OSBPL10: variants seen among roughly 807,000 people sequenced by gnomAD.
OSBPL10 encodes oxysterol binding protein like 10.
Under a neutral mutation model 81.7 loss-of-function variants are expected in OSBPL10, and 49 were observed. The observed-to-expected ratio is 0.60, with a 90% CI of 0.48 to 0.76. The LOEUF is 0.76. OSBPL10 is among the 30% of genes least tolerant of loss of function. OSBPL10 has a pLI of 0.00. For synonymous variants in OSBPL10, 419 were observed against 383.6 expected, an observed-to-expected ratio of 1.09 and a Z score of -1.08; for missense variants, 923 against 987.8, an observed-to-expected ratio of 0.93 and a Z score of 0.88.
At chr3:31,860,489 G>A (rs963932017) in intron 3 of OSBPL10, among the ~76,000 whole-genome samples, 10 of 152,180 alleles carry the variant, frequency 6.6e-5, no homozygotes, top group African/African-American at 2.4e-4. Context: ...GCAATAAAGA[G>A]ACAAGGAAGT....
intron 3 of OSBPL10, among the ~76,000 whole-genome samples, chr3:31,830,443 A>G (rs111992103): frequency 3.9e-5 from 6 of 151,954 alleles, no homozygotes; most frequent in African/African-American, 1.5e-4. Context: ...TTCATCTCCA[A>G]TTGTGCTTCC....
chr3:31,783,146 T>TATATATATACACACACAC (rs1485968747), intron 4 of OSBPL10, among the ~76,000 whole-genome samples: 1 of 113,036 alleles, frequency 8.8e-6, no homozygotes, highest in African/African-American at 3.8e-5. Context: ...TATATATATA[T>TATATATATACACACACAC]ACACACACAC....
In OSBPL10 at chr3:31,733,237, T is replaced by C; in HGVS notation, c.1095+20A>G. The stretch of plus-strand genomic sequence containing the variant: ...GCGATAACACAAGCCATGAATGCAC[T>C]GAGAGGACTGCACGCTTACCTCTGG... On this transcript the variant is annotated intron_variant, in intron 6 of 11. Coordinates refer to ENST00000396556, the MANE Select transcript of OSBPL10 (RefSeq NM_017784.5). 1 of 1,609,368 alleles carries C rather than the reference T, an allele frequency of 6.2e-7. No homozygotes were observed. The highest frequency in any genetic ancestry group is 8.5e-7 in the Non-Finnish European group (1 of 1,178,886).
intron 1 of OSBPL10, among the ~76,000 whole-genome samples, chr3:32,058,853 A>G (rs1699733735): frequency 6.6e-6 from 1 of 152,064 alleles, no homozygotes; most frequent in African/African-American, 2.4e-5. Flanking sequence ...ATGCCAAACT[A>G]ATTATTTATT....
At chr3:32,001,964 T>C (rs989682641) in intron 2 of OSBPL10, among the ~76,000 whole-genome samples, 42 of 152,206 alleles carry the variant, frequency 2.8e-4, no homozygotes, top group Non-Finnish European at 1.5e-5. Flanking sequence ...CATTTTGAGA[T>C]GAGGACACTG....
Position 31,981,232 on chromosome 3 carries a change from G to A in OSBPL10, c.-53C>T. On this transcript the variant is annotated 5_prime_UTR_variant, in exon 1 of 12. Transcript: ENST00000396556. The surrounding 1 kb of genome is among the most constrained non-coding windows in gnomAD (Gnocchi z 4.5). ...CCCGCCGCGGTGGCGGCCCCGGCAC[G>A]GCGGCTGCTGCTGCTGCTACAGCTC... 2.2e-6 allele frequency: 3 copies of A among 1,339,038 alleles called. No homozygotes were observed. Among genetic ancestry groups the A allele is most frequent in the Non-Finnish European group, 2.8e-6 (3 of 1,053,728 alleles). The allele number at this position is 1,339,038 out of a possible 1,614,324, so 82.9% of individuals were successfully genotyped here.
At chr3:31,698,482 CAAGT>C (rs58314721) in intron 7 of OSBPL10, among the ~76,000 whole-genome samples, 34,361 of 151,728 alleles carry the variant, frequency 0.23, 4,670 homozygotes, top group East Asian at 0.56. Context: ...AACAAAAATA[CAAGT>C]AAGGCCACAT....
At chr3:31,796,377 C>A (rs1369173012) in intron 4 of OSBPL10, among the ~76,000 whole-genome samples, 2 of 151,956 alleles carry the variant, frequency 1.3e-5, no homozygotes, top group African/African-American at 4.8e-5. Flanking sequence ...CCCGCCCCCC[C>A]AAAAAAGGTA....
chr3:31,719,451 TAATA>T (rs952837885), intron 6 of OSBPL10, among the ~76,000 whole-genome samples: 12 of 152,268 alleles, frequency 7.9e-5, no homozygotes, highest in Admixed American at 2.6e-4. Context: ...TACAAACGGC[TAATA>T]AATATGTGAA....
At chr3:31,833,824 T>G (rs1341772606) in intron 3 of OSBPL10, among the ~76,000 whole-genome samples, 1 of 152,144 alleles carries the variant, frequency 6.6e-6, no homozygotes, top group Non-Finnish European at 1.5e-5. Flanking sequence ...CACCTTTGCC[T>G]GTAGCAGTAT....
intron 4 of OSBPL10, among the ~76,000 whole-genome samples, chr3:31,814,433 G>A (rs1026635212): frequency 6.6e-6 from 1 of 152,180 alleles, no homozygotes; most frequent in Admixed American, 6.5e-5. Flanking sequence ...GATGTAATTA[G>A]TTAAGATTTG....
intron 2 of OSBPL10, among the ~76,000 whole-genome samples, chr3:32,012,278 G>A (rs976773795): frequency 6.6e-6 from 1 of 152,114 alleles, no homozygotes; most frequent in Admixed American, 6.5e-5. Context: ...AGAGAGTGGG[G>A]GCCAATATTC....
intron 3 of OSBPL10, among the ~76,000 whole-genome samples, chr3:31,850,068 G>A (rs1321057877): frequency 3.3e-5 from 5 of 152,196 alleles, no homozygotes; most frequent in African/African-American, 1.2e-4. Context: ...GGGAGGCTGA[G>A]GCAGGAGAGT....
rs111780370 is a variant in OSBPL10, at chr3:32,010,205, G to A, written n.298+36286C>T. Among the ~76,000 whole-genome samples, 484 of 152,016 alleles carry A rather than the reference G, an allele frequency of 3.2e-3. 4 individuals are homozygous for A. The highest frequency in any genetic ancestry group is 3.3e-3 in the Non-Finnish European group (226 of 68,002). Reference sequence around the variant, plus strand: ...TGCACAGAGGAAAGGGCATGAGAACGCATAGTGGGGCCAGAGCCATCTGTA... The same window carrying A: ...TGCACAGAGGAAAGGGCATGAGAACACATAGTGGGGCCAGAGCCATCTGTA... On this transcript the variant is annotated intron_variant and non_coding_transcript_variant, in intron 2 of 3. Transcript: ENST00000479173.
intron 2 of OSBPL10, among the ~76,000 whole-genome samples, chr3:32,005,334 C>A (rs1268806198): frequency 1.3e-5 from 2 of 152,064 alleles, no homozygotes; most frequent in Non-Finnish European, 2.9e-5. Context: ...GTATCTATTC[C>A]ATAGTATTAT....
chr3:31,885,886 T>C (rs533545520), intron 1 of OSBPL10, among the ~76,000 whole-genome samples: 238 of 149,892 alleles, frequency 1.6e-3, no homozygotes, highest in African/African-American at 5.4e-3. Flanking sequence ...TCCTAGCTAC[T>C]TGAGAGGCTG....
At chr3:32,032,382 C>G (rs985132211) in intron 2 of OSBPL10, among the ~76,000 whole-genome samples, 3 of 151,914 alleles carry the variant, frequency 2.0e-5, no homozygotes, top group Non-Finnish European at 2.9e-5. Context: ...GCCACTCCAG[C>G]CTGGGCGACA....
chr3:31,667,944 C>T lies in OSBPL10; in HGVS notation c.2096+698G>A, dbSNP rs556403333. ...TTAAGTGGCTGCATTATATTCATACCATAGTCACAGCATAGATATACAAAC... is the reference window on the plus strand; with the variant it reads ...TTAAGTGGCTGCATTATATTCATACTATAGTCACAGCATAGATATACAAAC... On this transcript the variant is annotated intron_variant, in intron 10 of 11. Coordinates refer to ENST00000396556, the MANE Select transcript of OSBPL10 (RefSeq NM_017784.5). Among the ~76,000 whole-genome samples, 24 of 152,344 alleles carry T rather than the reference C, an allele frequency of 1.6e-4. No individual in the cohort carries two copies. In the South Asian group the frequency reaches 5.0e-3, roughly 32 times the overall value.
intron 1 of OSBPL10, among the ~76,000 whole-genome samples, chr3:31,927,987 G>A (rs1317767171): frequency 6.6e-6 from 1 of 152,150 alleles, no homozygotes; most frequent in East Asian, 1.9e-4. Context: ...GCCCGAAAAG[G>A]ATAGGTTGCA....
Sources: gnomAD v4.1 joint callset for allele counts (sites outside exome capture counted in the v4.1 genomes callset) on GRCh38, gnomAD v4.1.1 for gene constraint, Gnocchi (gnomAD v3.1) non-coding constraint, MANE v1.5 for transcripts, NCBI Gene and HGNC (gene_info 2026-07-23, HGNC 2026-07-21) for gene names.